TNFSF13B: variants seen among roughly 807,000 people sequenced by gnomAD.
TNFSF13B encodes TNF superfamily member 13b, also known as tumor necrosis factor ligand superfamily member 13B.
In TNFSF13B, 8 loss-of-function variants were observed where a neutral mutation model predicts 29.1. The ratio of observed to expected loss-of-function variants is 0.27; its 90% confidence interval spans 0.16 to 0.50. The LOEUF (loss-of-function observed/expected upper bound fraction) is 0.50, where lower values mean the gene tolerates loss of function less well. Ranked by LOEUF, TNFSF13B falls within the 20% of genes least tolerant of loss-of-function variation. The probability of loss-of-function intolerance (pLI) is 0.98; values close to 1 mark genes in which losing one functional copy is unlikely to be tolerated. For missense variants in TNFSF13B, 248 were observed against 334.9 expected (o/e 0.74, Z 2.03); for synonymous variants, 125 against 130.8 (o/e 0.96, Z 0.30).
At chr13:108,299,538 CCTT>C (rs1362696079) in intron 3 of TNFSF13B, among the ~76,000 whole-genome samples, 1 of 151,790 alleles carries the variant, frequency 6.6e-6, no homozygotes, top group African/African-American at 2.4e-5. Context: ...ACACAGGAGT[CCTT>C]CTTCTATTAT....
intron 3 of TNFSF13B, among the ~76,000 whole-genome samples, chr13:108,294,255 C>T (rs1012623079): frequency 1.3e-5 from 2 of 151,454 alleles, no homozygotes; most frequent in Non-Finnish European, 2.9e-5. Flanking sequence ...TCTTAACTCA[C>T]AGCAACATCT....
chr13:108,297,160 C>A (rs763802491), intron 3 of TNFSF13B, among the ~76,000 whole-genome samples: 1 of 145,118 alleles, frequency 6.9e-6, no homozygotes, highest in Non-Finnish European at 1.5e-5. Context: ...CTCAGTTTTT[C>A]TTTATTTGAG....
intron 3 of TNFSF13B, among the ~76,000 whole-genome samples, chr13:108,302,557 C>T (rs1166574269): frequency 6.6e-6 from 1 of 152,088 alleles, no homozygotes; most frequent in Non-Finnish European, 1.5e-5. Flanking sequence ...TGCCTACTCA[C>T]TGATGGCTAC....
At chr13:108,291,265 A>G (rs1881300967) in intron 3 of TNFSF13B, among the ~76,000 whole-genome samples, 1 of 151,862 alleles carries the variant, frequency 6.6e-6, no homozygotes, top group Non-Finnish European at 1.5e-5. Flanking sequence ...TTAGTTAAAA[A>G]GAAAAAGAAA....
Position 108,278,061 on chromosome 13 carries a change from G to GTCAAACTC in TNFSF13B, c.424+7638_424+7645dup, listed in dbSNP as rs540688516. Among the ~76,000 whole-genome samples the GTCAAACTC allele has an allele frequency of 5.7e-4, 87 of 152,210 alleles. 1 individual carries two copies. In the South Asian group the frequency reaches 0.016, roughly 28 times the overall value. ...GATTTAAAATGCTTCAAAATTAAGTGTCAAACTCATGGTTTGACAACTAAT... is the reference window on the plus strand; with the variant it reads ...GATTTAAAATGCTTCAAAATTAAGTGTCAAACTCTCAAACTCATGGTTTGACAACTAAT... On this transcript the variant is annotated intron_variant, in intron 2 of 5. Transcript: ENST00000375887.
At position 108,307,559 on chromosome 13, in the gene TNFSF13B, A is replaced by G. The variant is rs978774023; in HGVS notation, c.*621A>G. The G allele has an allele frequency of 6.6e-6, 1 of 152,090 alleles. No homozygotes were observed. The highest frequency in any genetic ancestry group is 2.4e-5 in the African/African-American group (1 of 41,440). The allele number at this position is 152,090 out of a possible 1,614,324, so 9.4% of individuals were successfully genotyped here. A position where few individuals can be genotyped will look rare whatever the true frequency, so the allele number is the denominator to read the frequency against. On this transcript the variant is annotated 3_prime_UTR_variant, in exon 6 of 6. Coordinates refer to ENST00000375887, the MANE Select transcript of TNFSF13B (RefSeq NM_006573.5). ...TAAGTCTTTTATGGTTATTTCAAGT[A>G]TACAATTTCTATCTGTAATGTAATA...
intron 3 of TNFSF13B, 116 bp from the exon 4 acceptor site, chr13:108,303,137 C>G: frequency 3.2e-6 from 2 of 616,940 alleles, no homozygotes. Context: ...TTCTTTCTTT[C>G]TTTTTTTTTT....
At chr13:108,282,480 T>A (rs145445803) in intron 2 of TNFSF13B, among the ~76,000 whole-genome samples, 1 of 152,336 alleles carries the variant, frequency 6.6e-6, no homozygotes, top group Non-Finnish European at 1.5e-5. Flanking sequence ...CTTCAAAAGG[T>A]GGCCTTTCAA....
At chr13:108,279,773 C>A (rs114202505) in intron 2 of TNFSF13B, among the ~76,000 whole-genome samples, 1 of 152,080 alleles carries the variant, frequency 6.6e-6, no homozygotes, top group African/African-American at 2.4e-5. Flanking sequence ...GGTAGGGATT[C>A]GAATTTAGGC....
At chr13:108,274,414 T>A (rs939735425) in intron 2 of TNFSF13B, among the ~76,000 whole-genome samples, 3 of 149,762 alleles carry the variant, frequency 2.0e-5, no homozygotes, top group African/African-American at 7.3e-5. Context: ...GCATATGTGT[T>A]ATGTGTATAT....
chr13:108,278,841 T>A lies in TNFSF13B; in HGVS notation c.425-7962T>A, dbSNP rs553080305. Reference sequence around the variant, plus strand: ...CTCACTTTCAGGCCTTTTTCTCTTCTATCTGCCCCACTGGAGCCTCTGGAA... The same window carrying A: ...CTCACTTTCAGGCCTTTTTCTCTTCAATCTGCCCCACTGGAGCCTCTGGAA... On this transcript the variant is annotated intron_variant, in intron 2 of 5. Coordinates refer to ENST00000375887, the MANE Select transcript of TNFSF13B (RefSeq NM_006573.5). Among the ~76,000 whole-genome samples the A allele has an allele frequency of 3.3e-5, 5 of 151,964 alleles. No individual in the cohort carries two copies. In the South Asian group the frequency reaches 1.0e-3, roughly 32 times the overall value.
At chr13:108,272,452 C>T (rs912879687) in intron 2 of TNFSF13B, among the ~76,000 whole-genome samples, 1 of 152,030 alleles carries the variant, frequency 6.6e-6, no homozygotes, top group African/African-American at 2.4e-5. Flanking sequence ...GTAGTTGACT[C>T]CCTGCCACTT....
chr13:108,293,213 T>A (rs551005277), intron 3 of TNFSF13B, among the ~76,000 whole-genome samples: 40 of 152,276 alleles, frequency 2.6e-4, no homozygotes, highest in Non-Finnish European at 5.6e-4. Context: ...GGCACACTTG[T>A]TAAAAATCAG....
rs1881585110 is a variant in TNFSF13B at position 108,300,432 on chromosome 13, C to T, written c.482-2821C>T. On this transcript the variant is annotated intron_variant, in intron 3 of 5. Transcript: ENST00000375887. ...TTTTAAAAGCTCTCTTCCCTCCAAGCATCAAATGAATATCATTAAACTATG... is the reference window on the plus strand; with the variant it reads ...TTTTAAAAGCTCTCTTCCCTCCAAGTATCAAATGAATATCATTAAACTATG... Among the ~76,000 whole-genome samples the T allele has an allele frequency of 1.3e-5, 2 of 152,030 alleles. 1 individual carries two copies. The highest frequency in any genetic ancestry group is 4.1e-4 in the South Asian group (2 of 4,826).
chr13:108,295,847 C>T (rs1428746962), intron 3 of TNFSF13B, among the ~76,000 whole-genome samples: 1 of 145,314 alleles, frequency 6.9e-6, no homozygotes, highest in African/African-American at 2.6e-5. Context: ...TCCAATTTTC[C>T]TTATGTTATT....
Position 108,297,757 on chromosome 13 carries a change from T to G in TNFSF13B, c.482-5496T>G, listed in dbSNP as rs756170065. On this transcript the variant is annotated intron_variant, in intron 3 of 5. Coordinates refer to ENST00000375887, the MANE Select transcript of TNFSF13B (RefSeq NM_006573.5). ...TACGGATGCATATCCTCCCCCATTA[T>G]CAAAATCCCCCACCAGAGTGATACA... Among the ~76,000 whole-genome samples, 2 of 145,812 alleles carry G rather than the reference T, an allele frequency of 1.4e-5. 1 individual carries two copies. The highest frequency in any genetic ancestry group is 5.2e-5 in the African/African-American group (2 of 38,824).
intron 2 of TNFSF13B, among the ~76,000 whole-genome samples, chr13:108,283,103 C>T (rs1458164282): frequency 1.3e-5 from 2 of 152,178 alleles, no homozygotes. Flanking sequence ...AAATCTCTAG[C>T]TGAGCACTAA....
chr13:108,296,017 C>T (rs1370676142), intron 3 of TNFSF13B, among the ~76,000 whole-genome samples: 1 of 146,066 alleles, frequency 6.8e-6, no homozygotes, highest in African/African-American at 2.6e-5. Context: ...TGTTGCATAA[C>T]ATGGTCTATC....
In TNFSF13B at chr13:108,269,801, A is replaced by G. The variant is rs1413613002; in HGVS notation, c.-95A>G. On this transcript the variant is annotated 5_prime_UTR_variant, in exon 1 of 6. Coordinates refer to ENST00000375887, the MANE Select transcript of TNFSF13B (RefSeq NM_006573.5). ...TGAGCCAAGCCCTGCCATGTAGTGC[A>G]CGCAGGACATCAACAAACACAGATA... The G allele has an allele frequency of 8.4e-6, 10 of 1,195,824 alleles. No individual in the cohort carries two copies. Among genetic ancestry groups the G allele is most frequent in the Non-Finnish European group, 1.1e-5 (9 of 849,642 alleles). 74.1% of individuals were successfully genotyped at this position (1,195,824 alleles called of 1,614,324 possible).
Sources: allele counts gnomAD v4.1 joint callset (sites outside exome capture counted in the v4.1 genomes callset), GRCh38; gene constraint gnomAD v4.1.1; transcripts MANE v1.5; gene names NCBI Gene and HGNC (gene_info 2026-07-23, HGNC 2026-07-21).